GLIS3: variants seen among roughly 807,000 people sequenced by gnomAD.
The protein encoded by GLIS3 is GLIS family zinc finger 3, also known as zinc finger protein GLIS3.
In GLIS3, 53 loss-of-function variants were observed where a neutral mutation model predicts 78.6. The ratio of observed to expected loss-of-function variants is 0.67; its 90% CI spans 0.54 to 0.85. The LOEUF (loss-of-function observed/expected upper bound fraction) is 0.85. Among genes scored for constraint, GLIS3 ranks in the 40% least tolerant of loss-of-function variants. The pLI is 0.00. For missense variants in GLIS3, 1,703 were observed against 1,231.1 expected (o/e 1.38, Z -5.74); for synonymous variants, 684 against 509.9 (o/e 1.34, Z -4.60).
intron 6 of GLIS3, among the ~76,000 whole-genome samples, chr9:3,931,932 T>C (rs1825647104): frequency 6.6e-6 from 1 of 152,250 alleles, no homozygotes; most frequent in Admixed American, 6.5e-5. Context: ...AGCTTCACGA[T>C]ATTGGCCAAT....
At chr9:4,297,064 G>A (rs185920036) in intron 1 of GLIS3, among the ~76,000 whole-genome samples, 97 of 152,096 alleles carry the variant, frequency 6.4e-4, no homozygotes, top group African/African-American at 2.2e-3. Flanking sequence ...CAAACTAGGA[G>A]GAGATAAAAG....
intron 2 of GLIS3, among the ~76,000 whole-genome samples, chr9:4,185,180 G>C (rs1024456698): frequency 2.0e-5 from 3 of 152,074 alleles, no homozygotes; most frequent in African/African-American, 7.2e-5. Flanking sequence ...TTAACACTTT[G>C]TACCAACGCA....
intron 2 of GLIS3, among the ~76,000 whole-genome samples, chr9:4,207,344 G>A (rs1819974998): frequency 6.6e-6 from 1 of 152,152 alleles, no homozygotes; most frequent in South Asian, 2.1e-4. Context: ...TCTTAACTTA[G>A]GAATTTCCAT....
rs1563886388 is a variant in GLIS3, at chr9:3,953,775, C to A, written c.1711-16586G>T. 3.3e-3 allele frequency among the ~76,000 whole-genome samples: 125 copies of A among 37,332 alleles called. 1 individual carries two copies. Among genetic ancestry groups the A allele is most frequent in the African/African-American group, 0.013 (122 of 9,630 alleles). 24.5% of individuals were successfully genotyped at this position (37,332 alleles called of 152,430 possible). A position where few individuals can be genotyped will look rare whatever the true frequency, so the allele number is the denominator to read the frequency against. ...AATTAGATTTGCTCTCTCTCTCTCT[C>A]TCTCTCTCTCTCTCTCTCTCTATAT... On this transcript the variant is annotated intron_variant, in intron 4 of 10. Coordinates refer to ENST00000381971, the MANE Select transcript of GLIS3 (RefSeq NM_001042413.2).
chr9:4,257,910 G>T (rs1037323341), intron 2 of GLIS3, among the ~76,000 whole-genome samples: 18 of 151,946 alleles, frequency 1.2e-4, no homozygotes, highest in African/African-American at 4.4e-4. Context: ...AAAATATCGT[G>T]TTTTACATTT....
intron 6 of GLIS3, among the ~76,000 whole-genome samples, chr9:3,929,338 GT>G (rs912856067): frequency 3.3e-5 from 5 of 151,740 alleles, no homozygotes; most frequent in Admixed American, 1.3e-4. Flanking sequence ...TTGCAGAAGA[GT>G]TTTTTTTTCT....
intron 2 of GLIS3, among the ~76,000 whole-genome samples, chr9:4,311,473 C>T (rs955653232): frequency 6.6e-6 from 1 of 152,184 alleles, no homozygotes; most frequent in African/African-American, 2.4e-5. Context: ...AGACCTTACT[C>T]TGAGAAGCAG....
chr9:4,153,306 G>A (rs542003402), intron 2 of GLIS3, among the ~76,000 whole-genome samples: 2 of 152,342 alleles, frequency 1.3e-5, no homozygotes, highest in Admixed American at 6.5e-5. Context: ...GCTCACACCT[G>A]TAATCCCAGC....
chr9:4,138,291 C>T (rs1407536634), intron 2 of GLIS3, among the ~76,000 whole-genome samples: 1 of 152,204 alleles, frequency 6.6e-6, no homozygotes, highest in Non-Finnish European at 1.5e-5. Flanking sequence ...CCCAAAGACA[C>T]ATTTACTGGG....
At chr9:4,387,513 A>G in the GLIS3 span, among the ~76,000 whole-genome samples, 9 of 152,206 alleles carry the variant, frequency 5.9e-5, no homozygotes, top group African/African-American at 1.7e-4. Context: ...AGATGGCTGC[A>G]TGCAAGCATT....
At chr9:4,402,268 C>A in the GLIS3 span, among the ~76,000 whole-genome samples, 1 of 152,220 alleles carries the variant, frequency 6.6e-6, no homozygotes, top group African/African-American at 2.4e-5. Flanking sequence ...CAAGGTGGTA[C>A]CTCTACAAAT....
intron 2 of GLIS3, among the ~76,000 whole-genome samples, chr9:4,146,430 A>G (rs1172042410): frequency 6.6e-6 from 1 of 152,214 alleles, no homozygotes; most frequent in Non-Finnish European, 1.5e-5. Flanking sequence ...TTTTGGAAAT[A>G]TTTCAACTTG....
chr9:4,264,527 C>G (rs925065748), intron 2 of GLIS3, among the ~76,000 whole-genome samples: 10 of 152,172 alleles, frequency 6.6e-5, no homozygotes, highest in African/African-American at 2.4e-4. Flanking sequence ...CTTCCTATCT[C>G]AGTCTATAAG....
At chr9:4,270,488 CG>C (rs1215305448) in intron 2 of GLIS3, among the ~76,000 whole-genome samples, 1 of 152,098 alleles carries the variant, frequency 6.6e-6, no homozygotes, top group Non-Finnish European at 1.5e-5. Context: ...AAGGCTCAAA[CG>C]GGGAAGCATC....
At chr9:4,363,608 C>G in the GLIS3 span, among the ~76,000 whole-genome samples, 1 of 152,152 alleles carries the variant, frequency 6.6e-6, no homozygotes, top group Non-Finnish European at 1.5e-5. Context: ...AGAGTCCTGT[C>G]CAAGAGATGT....
chr9:4,048,339 T>G (rs1825424213), intron 4 of GLIS3, among the ~76,000 whole-genome samples: 1 of 152,176 alleles, frequency 6.6e-6, no homozygotes, highest in Non-Finnish European at 1.5e-5. Context: ...TGTTAGATGG[T>G]TCACACACTG....
chr9:3,898,459 C>A, intron 7 of GLIS3: 1 of 558,876 alleles, frequency 1.8e-6, no homozygotes, highest in South Asian at 1.9e-5. Flanking sequence ...GGCAGAAGTC[C>A]ATAACTAAAA....
intron 9 of GLIS3, among the ~76,000 whole-genome samples, chr9:3,834,489 A>G (rs1818231379): frequency 6.6e-6 from 1 of 152,194 alleles, no homozygotes; most frequent in Non-Finnish European, 1.5e-5. Context: ...AATTTTAATT[A>G]ATTCAAATTT....
chr9:3,937,319 G>C (rs1687068402), intron 4 of GLIS3, 130 bp from the exon 5 acceptor site: 1 of 899,188 alleles, frequency 1.1e-6, no homozygotes, highest in African/African-American at 1.7e-5. Context: ...AATCCAAACA[G>C]TAATAAATAT....
Sources: allele counts gnomAD v4.1 joint callset (sites outside exome capture counted in the v4.1 genomes callset), GRCh38; gene constraint gnomAD v4.1.1; transcripts MANE v1.5; gene names NCBI Gene and HGNC (gene_info 2026-07-23, HGNC 2026-07-21).